Variants in NAA10 observed in about 807,000 individuals in gnomAD.
The protein encoded by NAA10 is N-alpha-acetyltransferase 10, NatA catalytic subunit.
NAA10 carries 6 observed loss-of-function variants against 19.2 expected under a neutral mutation model. The ratio of observed to expected loss-of-function variants is 0.31; its 90% confidence interval spans 0.17 to 0.62. The LOEUF (loss-of-function observed/expected upper bound fraction) is 0.62. Ranked by LOEUF, NAA10 falls within the 20% of genes least tolerant of loss-of-function variation. NAA10 has a pLI of 0.83. For missense variants in NAA10, 101 were observed against 198.4 expected (o/e 0.51, Z 2.95); for synonymous variants, 97 against 79.9 (o/e 1.21, Z -1.14).
chrX:153,933,894 G>C (rs782641117), intron 3 of NAA10, 49 bp downstream of exon 3: 29 of 1,071,609 alleles, frequency 2.7e-5, no homozygotes, highest in Non-Finnish European at 3.8e-5. Flanking sequence ...AGCCCACAGA[G>C]GCATCCACCA....
chrX:153,934,528 C>T lies in NAA10; in HGVS notation c.22-53G>A. On this transcript the variant is annotated intron_variant, in intron 1 of 7. Coordinates refer to ENST00000464845, the MANE Select transcript of NAA10 (RefSeq NM_003491.4). ...GCTCAGTCTAAGGCGGCGGTGACCACGGGTGAGAAGCCTGCTCCCCGTCGG... is the reference window on the plus strand; with the variant it reads ...GCTCAGTCTAAGGCGGCGGTGACCATGGGTGAGAAGCCTGCTCCCCGTCGG... 4 of 971,029 alleles carry T rather than the reference C, an allele frequency of 4.1e-6. No homozygotes were observed. In the South Asian group the frequency reaches 8.2e-5, roughly 20 times the overall value. The allele number at this position is 971,029 out of a possible 1,213,427, so 80.0% of individuals were successfully genotyped here.
intron 1 of NAA10, 153 bp from the exon 2 acceptor site, chrX:153,934,628 G>C (rs2065186451): frequency 6.9e-6 from 4 of 582,571 alleles, no homozygotes; most frequent in Admixed American, 5.3e-5. Context: ...CGGAGCACAG[G>C]AACAGGAGTG....
intron 7 of NAA10, 96 bp from the exon 8 acceptor site, chrX:153,930,319 G>T (rs1603289895): frequency 1.3e-6 from 1 of 787,990 alleles, no homozygotes; most frequent in Non-Finnish European, 1.9e-6. Context: ...TGAGGAGAGG[G>T]GCATAGTGAG....
chrX:153,930,736 C>G (rs782633372), intron 7 of NAA10, 27 bp downstream of exon 7: 11 of 1,209,441 alleles, frequency 9.1e-6, no homozygotes, highest in Non-Finnish European at 1.2e-5. Flanking sequence ...CCCCGCTCGC[C>G]TTGCTTGGCT....
intron 6 of NAA10, chrX:153,931,375 G>T: frequency 1.2e-6 from 1 of 828,641 alleles, no homozygotes; most frequent in African/African-American, 2.1e-5. Flanking sequence ...ATTCCCACCA[G>T]ACATCGTCAT....
Position 153,934,887 on chromosome X carries a change from C to G in NAA10, c.18G>C (p.Ala6=), listed in dbSNP as rs1358758953. 6.9e-6 allele frequency: 7 copies of G among 1,007,692 alleles called. No individual in the cohort carries two copies. The East Asian group carries it at 1.9e-4, about 28-fold the overall frequency. The allele number at this position is 1,007,692 out of a possible 1,213,427, so 83.0% of individuals were successfully genotyped here. A position where few individuals can be genotyped will look rare whatever the true frequency, so the allele number is the denominator to read the frequency against. The part of the protein sequence containing the change: MNIRN[A]RPEDLMNMQH... ...GCCTCCCGCCCCGGGCGCTCACCCTCGCATTGCGGATGTTCATAACGGCGG... is the reference window on the plus strand; with the variant it reads ...GCCTCCCGCCCCGGGCGCTCACCCTGGCATTGCGGATGTTCATAACGGCGG... The change falls in exon 1 of 8, where the codon GCG becomes GCC. Residue 6 remains alanine, a synonymous_variant. Coordinates refer to ENST00000464845, the MANE Select transcript of NAA10 (RefSeq NM_003491.4).
chrX:153,934,656 C>G (rs904121667), intron 1 of NAA10, 181 bp from the exon 2 acceptor site: 19 of 561,958 alleles, frequency 3.4e-5, no homozygotes, highest in Middle Eastern at 5.2e-4. Context: ...CGGAGGTCCC[C>G]GGAGCCCACC....
Position 153,929,526 on chromosome X carries a change from G to A in NAA10, c.*461C>T, listed in dbSNP as rs1336067530. ...ATGAGCAGTTGGATGTCCACATCTGGAGCCCACGGGTATGCTGGGGAGCTG... is the reference window on the plus strand; with the variant it reads ...ATGAGCAGTTGGATGTCCACATCTGAAGCCCACGGGTATGCTGGGGAGCTG... On this transcript the variant is annotated 3_prime_UTR_variant, in exon 8 of 8. Transcript: ENST00000464845. 4 of 145,348 alleles carry A rather than the reference G, an allele frequency of 2.8e-5. No homozygotes were observed. Among genetic ancestry groups the A allele is most frequent in the Non-Finnish European group, 5.4e-5 (4 of 74,125 alleles). The allele number at this position is 145,348 out of a possible 1,213,427, so 12.0% of individuals were successfully genotyped here.
chrX:153,934,507 A>G, intron 1 of NAA10, 32 bp from the exon 2 acceptor site: 1 of 1,103,418 alleles, frequency 9.1e-7, no homozygotes, highest in Non-Finnish European at 1.2e-6. Flanking sequence ...GAACGCGCTC[A>G]GTCTAAGGCG....
chrX:153,932,026 C>A, intron 6 of NAA10, 45 bp downstream of exon 6: 1 of 1,211,955 alleles, frequency 8.3e-7, no homozygotes, highest in Non-Finnish European at 1.1e-6. Context: ...ATGGGCCAGA[C>A]CTGGGATCAA....
At position 153,931,995 on chromosome X, in the gene NAA10, C is replaced by T. The variant is rs1429494955; in HGVS notation, c.386+76G>A. ...CCCACCCCCGACCTGGAAGGCAACT[C>T]AGCCGGTCTCAGGTGCCCTGATGGG... On this transcript the variant is annotated intron_variant, in intron 6 of 7. Transcript: ENST00000464845. The T allele has an allele frequency of 3.1e-5, 38 of 1,209,860 alleles. No individual in the cohort carries two copies. In the African/African-American group the frequency reaches 6.4e-4, roughly 21 times the overall value.
chrX:153,934,990 G>C lies in NAA10; in HGVS notation c.-86C>G, dbSNP rs1209518962. 35 of 871,571 alleles carry C rather than the reference G, an allele frequency of 4.0e-5. No individual in the cohort carries two copies. The East Asian group carries it at 1.6e-3, about 39-fold the overall frequency. 71.8% of individuals were successfully genotyped at this position (871,571 alleles called of 1,213,427 possible). A position where few individuals can be genotyped will look rare whatever the true frequency, so the allele number is the denominator to read the frequency against. On this transcript the variant is annotated 5_prime_UTR_variant, in exon 1 of 8. Coordinates refer to ENST00000464845, the MANE Select transcript of NAA10 (RefSeq NM_003491.4). ...CTCCGAAGCGACGCCGGGACGGCCG[G>C]GGCTGGGACCGGAGCTGGGCTCGCT...
chrX:153,931,523 G>C (rs2065166392), intron 6 of NAA10: 3 of 801,057 alleles, frequency 3.7e-6, no homozygotes. Flanking sequence ...AGCTTCACTT[G>C]CAAGCACTTT....
chrX:153,930,472 C>A (rs933985778), intron 7 of NAA10: 7 of 453,532 alleles, frequency 1.5e-5, no homozygotes, highest in Admixed American at 7.4e-5. Flanking sequence ...ACCCGATGAG[C>A]CTTGGGCAGA....
chrX:153,934,241 C>T (rs2065183519), intron 2 of NAA10, 136 bp downstream of exon 2: 3 of 612,258 alleles, frequency 4.9e-6, no homozygotes, highest in Non-Finnish European at 8.1e-6. Context: ...CCCTGTCTGC[C>T]AGCTGAAAAC....
In NAA10 at chrX:153,930,859, G is replaced by A. The variant is rs2065162594; in HGVS notation, c.387-12C>T. 8.3e-7 allele frequency: 1 copy of A among 1,210,142 alleles called. No individual in the cohort carries two copies. Among genetic ancestry groups the A allele is most frequent in the African/African-American group, 1.7e-5 (1 of 57,153 alleles). ...CCACTTCACTGATCCTGGGGGCAGA[G>A]GGTTAGAGAGCAAGGAGGAAGACCT... is the stretch of plus-strand genomic sequence containing the variant. On this transcript the variant is annotated splice_polypyrimidine_tract_variant and intron_variant, in intron 6 of 7. Transcript: ENST00000464845.
Position 153,930,118 on chromosome X carries a change from C to G in NAA10, c.577G>C (p.Ala193Pro), listed in dbSNP as rs782413408. ...GCCAGGCCCTTCTCCTCGCGACAGG[C>G]CTCTCCTGAGCTCGGAGGTGAATTG... Reference protein sequence around the residue: ...KGNSPPSSGEACREEKGLAAE... With the variant: ...KGNSPPSSGEPCREEKGLAAE... Residue 193 changes from alanine (A) to proline (P), a missense_variant, in exon 8 of 8, where the codon GCC becomes CCC. Around this residue, in one of 2 missense-constraint regions of NAA10, gnomAD observed 58 missense variants for 75.8 expected, o/e 0.77. Coordinates refer to ENST00000464845, the MANE Select transcript of NAA10 (RefSeq NM_003491.4). The G allele has an allele frequency of 7.9e-5, 95 of 1,208,939 alleles. No individual in the cohort carries two copies. The highest frequency in any genetic ancestry group is 9.4e-5 in the Non-Finnish European group (84 of 894,864).
intron 3 of NAA10, among the ~76,000 whole-genome samples, chrX:153,933,387 C>T (rs899272034): frequency 8.0e-5 from 9 of 112,234 alleles, no homozygotes; most frequent in South Asian, 7.3e-4. Flanking sequence ...AATAATATAT[C>T]GGCCAGGCGC....
At chrX:153,933,614 G>A (rs2065179376) in intron 3 of NAA10, 1 of 150,279 alleles carries the variant, frequency 6.7e-6, no homozygotes, top group Non-Finnish European at 1.3e-5. Flanking sequence ...GGAGGTTGCA[G>A]TGAGCCAAGA....
Sources: gnomAD v4.1 joint callset for allele counts (sites outside exome capture counted in the v4.1 genomes callset) on GRCh38, gnomAD v4.1.1 for gene constraint, gnomAD v4.1.1 regional missense constraint, MANE v1.5 for transcripts, NCBI Gene and HGNC (gene_info 2026-07-23, HGNC 2026-07-21) for gene names.